LIPA: variants seen among roughly 807,000 people sequenced by gnomAD.
LIPA encodes lipase A, lysosomal acid type.
Under a neutral mutation model 40.6 loss-of-function variants are expected in LIPA, and 26 were observed. That is an observed-to-expected ratio of 0.64 (90% CI 0.47 to 0.89). The LOEUF is 0.89. Among genes scored for constraint, LIPA ranks in the 40% least tolerant of loss-of-function variants. The probability of loss-of-function intolerance (pLI) is 0.00; values close to 1 mark genes in which losing one functional copy is unlikely to be tolerated. For missense variants in LIPA, 455 were observed against 479.6 expected, an observed-to-expected ratio of 0.95 and a Z score of 0.48; for synonymous variants, 188 against 168.4, an observed-to-expected ratio of 1.12 and a Z score of -0.90.
intron 1 of LIPA, among the ~76,000 whole-genome samples, chr10:89,262,423 G>T (rs1000668439): frequency 6.6e-6 from 1 of 152,088 alleles, no homozygotes; most frequent in Non-Finnish European, 1.5e-5. Flanking sequence ...TCTTTTCTTT[G>T]TCTCTCTGTA....
At chr10:89,248,832 A>C (rs1448363474) in intron 1 of LIPA, among the ~76,000 whole-genome samples, 5 of 152,166 alleles carry the variant, frequency 3.3e-5, no homozygotes, top group Non-Finnish European at 7.4e-5. Flanking sequence ...TCCAGTTGAT[A>C]TATGACCTTT....
At chr10:89,232,134 GA>G (rs1257713954) in intron 3 of LIPA, among the ~76,000 whole-genome samples, 19 of 152,294 alleles carry the variant, frequency 1.2e-4, no homozygotes, top group East Asian at 7.7e-4. Context: ...AATTATAGTT[GA>G]AAAATGTGTA....
intron 1 of LIPA, among the ~76,000 whole-genome samples, chr10:89,278,663 T>C (rs1302454129): frequency 1.3e-5 from 2 of 152,180 alleles, no homozygotes; most frequent in East Asian, 3.8e-4. Flanking sequence ...AGGCTCCAAA[T>C]AGTTCTTTAT....
At chr10:89,318,484 A>G (rs1843554103) in intron 1 of LIPA, among the ~76,000 whole-genome samples, 1 of 152,230 alleles carries the variant, frequency 6.6e-6, no homozygotes, top group South Asian at 2.1e-4. Context: ...ACATAATGGT[A>G]AAGGGATCAA....
intron 2 of LIPA, chr10:89,393,476 T>C (rs1844288708): frequency 5.1e-6 from 2 of 393,118 alleles, no homozygotes; most frequent in East Asian, 1.6e-4. Context: ...CTCATGCTTG[T>C]AATCCCAGCA....
At chr10:89,393,387 G>A (rs1053726478) in intron 2 of LIPA, 11 of 986,844 alleles carry the variant, frequency 1.1e-5, no homozygotes, top group Admixed American at 3.2e-5. Context: ...GGGAAGATCC[G>A]TATCTTCCTT....
chr10:89,339,572 T>C (rs1843816928), intron 1 of LIPA: 4 of 1,614,048 alleles, frequency 2.5e-6, no homozygotes, highest in Non-Finnish European at 3.4e-6. Context: ...AATAAAGAGA[T>C]GATTGAAGCA....
intron 1 of LIPA, among the ~76,000 whole-genome samples, chr10:89,300,724 C>T (rs573801846): frequency 3.3e-5 from 5 of 151,952 alleles, no homozygotes; most frequent in Admixed American, 6.6e-5. Flanking sequence ...TGGTGGCTCA[C>T]GCCTGTAATC....
At chr10:89,376,769 A>T (rs1015509136) in intron 2 of LIPA, among the ~76,000 whole-genome samples, 4 of 152,186 alleles carry the variant, frequency 2.6e-5, no homozygotes, top group Non-Finnish European at 5.9e-5. Context: ...CTTTTTCCAG[A>T]CACAATTTAA....
intron 1 of LIPA, among the ~76,000 whole-genome samples, chr10:89,315,829 G>A (rs115763680): frequency 0.02 from 3,003 of 152,130 alleles, 43 homozygotes; most frequent in African/African-American, 0.038. Flanking sequence ...TGGAAAATTC[G>A]AGAACTAGTA....
intron 2 of LIPA, among the ~76,000 whole-genome samples, chr10:89,376,563 G>C (rs959655407): frequency 6.6e-6 from 1 of 152,170 alleles, no homozygotes; most frequent in African/African-American, 2.4e-5. Context: ...AGACATCTGA[G>C]AGCATCATTA....
chr10:89,399,709 C>G (rs1564809247), intron 2 of LIPA, among the ~76,000 whole-genome samples: 1 of 152,122 alleles, frequency 6.6e-6, no homozygotes, highest in African/African-American at 2.4e-5. Context: ...ACTTCCCACC[C>G]ACCCCTGCCC....
intron 1 of LIPA, among the ~76,000 whole-genome samples, chr10:89,342,214 A>G (rs1843877774): frequency 6.6e-6 from 1 of 152,116 alleles, no homozygotes; most frequent in Admixed American, 6.6e-5. Context: ...ATTCTAATGA[A>G]ATGCTAGATG....
intron 2 of LIPA, among the ~76,000 whole-genome samples, chr10:89,409,799 C>T (rs1841456320): frequency 6.6e-6 from 1 of 152,248 alleles, no homozygotes; most frequent in South Asian, 2.1e-4. Context: ...GCTCTTTTCA[C>T]ATGTCTTTCT....
At chr10:89,264,428 C>G (rs1843225004) in intron 1 of LIPA, among the ~76,000 whole-genome samples, 1 of 151,932 alleles carries the variant, frequency 6.6e-6, no homozygotes, top group Non-Finnish European at 1.5e-5. Context: ...CTCCTATCTT[C>G]AAGCAGATTG....
intron 3 of LIPA, among the ~76,000 whole-genome samples, chr10:89,232,207 C>T (rs533591704): frequency 2.0e-5 from 3 of 152,298 alleles, no homozygotes; most frequent in Non-Finnish European, 4.4e-5. Context: ...GGGCGCTGTA[C>T]GATGCAGTGG....
At chr10:89,313,232 G>T (rs1413694658) in intron 1 of LIPA, among the ~76,000 whole-genome samples, 1 of 152,090 alleles carries the variant, frequency 6.6e-6, no homozygotes, top group African/African-American at 2.4e-5. Context: ...TCAAAACAAG[G>T]CCTGTAGTCT....
At chr10:89,331,040 T>A (rs1653929001) in intron 1 of LIPA, among the ~76,000 whole-genome samples, 1 of 152,186 alleles carries the variant, frequency 6.6e-6, no homozygotes, top group African/African-American at 2.4e-5. Context: ...AGGGCAGCAG[T>A]CCCAGGAGTA....
intron 2 of LIPA, chr10:89,402,726 A>G: frequency 6.2e-7 from 1 of 1,614,220 alleles, no homozygotes; most frequent in Non-Finnish European, 8.5e-7. Context: ...GGCCTTGCTG[A>G]AGTGTGGAGG....
Sources: allele counts gnomAD v4.1 joint callset (sites outside exome capture counted in the v4.1 genomes callset), GRCh38; gene constraint gnomAD v4.1.1; transcripts MANE v1.5; gene names NCBI Gene and HGNC (gene_info 2026-07-23, HGNC 2026-07-21).